The following PTPRD variants were observed in gnomAD, a reference collection of about 807,000 sequenced individuals.
The protein encoded by PTPRD is receptor-type tyrosine-protein phosphatase delta.
Under a neutral mutation model 214.5 loss-of-function variants are expected in PTPRD, and 34 were observed. The ratio of observed to expected loss-of-function variants is 0.16; its 90% CI spans 0.12 to 0.21. The LOEUF (loss-of-function observed/expected upper bound fraction) is 0.21, where lower values mean the gene tolerates loss of function less well. Among genes scored for constraint, PTPRD ranks in the 10% least tolerant of loss-of-function variants. PTPRD has a pLI of 1.00. For synonymous variants in PTPRD, 1,128 were observed against 845.7 expected (o/e 1.33, Z -5.79); for missense variants, 2,545 against 2,398.7 (o/e 1.06, Z -1.27).
At chr9:10,581,771 G>T (rs1375064897) in intron 2 of PTPRD, among the ~76,000 whole-genome samples, 1 of 151,966 alleles carries the variant, frequency 6.6e-6, no homozygotes. Context: ...GAATATAAGG[G>T]TATTAAATAG....
chr9:9,250,912 A>T (rs1308153538), intron 9 of PTPRD, among the ~76,000 whole-genome samples: 1 of 152,116 alleles, frequency 6.6e-6, no homozygotes, highest in Non-Finnish European at 1.5e-5. Context: ...TGGATCACAC[A>T]TAGATGCAAA....
At position 10,601,704 on chromosome 9, in the gene PTPRD, T is replaced by C. The variant is rs566667243; in HGVS notation, c.-600+10694A>G. 2.6e-5 allele frequency among the ~76,000 whole-genome samples: 4 copies of C among 151,864 alleles called. No individual in the cohort carries two copies. In the East Asian group the frequency reaches 7.8e-4, roughly 30 times the overall value. On this transcript the variant is annotated intron_variant, in intron 2 of 45. Coordinates refer to ENST00000381196, the MANE Select transcript of PTPRD (RefSeq NM_002839.4). Reference sequence around the variant, plus strand: ...TATTTGAGGACTTCTTTGTGTTGCTTTTTTAACCACTGCTCCTTCTCCAAG... The same window carrying C: ...TATTTGAGGACTTCTTTGTGTTGCTCTTTTAACCACTGCTCCTTCTCCAAG...
chr9:10,032,547 C>T (rs2097102244), intron 4 of PTPRD, among the ~76,000 whole-genome samples: 1 of 152,150 alleles, frequency 6.6e-6, no homozygotes, highest in African/African-American at 2.4e-5. Context: ...TCTCCTCAAA[C>T]TCCTGATATA....
At chr9:9,902,824 C>G (rs529537326) in intron 5 of PTPRD, among the ~76,000 whole-genome samples, 36 of 152,180 alleles carry the variant, frequency 2.4e-4, no homozygotes, top group African/African-American at 8.4e-4. Context: ...TCCAAGCACA[C>G]TGTAGTATGA....
intron 11 of PTPRD, among the ~76,000 whole-genome samples, chr9:9,011,552 G>A (rs1589759447): frequency 1.3e-5 from 2 of 152,054 alleles, no homozygotes; most frequent in East Asian, 3.9e-4. Flanking sequence ...AAAGAAAGAG[G>A]GTCACATGCT....
At chr9:8,985,880 A>G (rs2099341879) in intron 11 of PTPRD, among the ~76,000 whole-genome samples, 2 of 152,124 alleles carry the variant, frequency 1.3e-5, no homozygotes. Flanking sequence ...AACTCTCATG[A>G]AAATATCCAC....
intron 30 of PTPRD, among the ~76,000 whole-genome samples, chr9:8,479,809 T>G (rs2135501826): frequency 6.6e-6 from 1 of 152,344 alleles, no homozygotes; most frequent in Admixed American, 6.5e-5. Context: ...CAACTGCTCT[T>G]TTCCTGAAGA....
chr9:9,846,220 T>C (rs1364955941), intron 5 of PTPRD, among the ~76,000 whole-genome samples: 1 of 152,132 alleles, frequency 6.6e-6, no homozygotes, highest in East Asian at 1.9e-4. Context: ...AGATTGTAGA[T>C]CTTTACACCT....
chr9:9,180,823 G>C (rs1469567320), intron 10 of PTPRD, among the ~76,000 whole-genome samples: 1 of 152,048 alleles, frequency 6.6e-6, no homozygotes, highest in Admixed American at 6.6e-5. Flanking sequence ...CTTCACCCAA[G>C]TGTCTGACAA....
intron 3 of PTPRD, among the ~76,000 whole-genome samples, chr9:10,220,802 C>A (rs2099568475): frequency 6.6e-6 from 1 of 151,362 alleles, no homozygotes; most frequent in South Asian, 2.1e-4. Flanking sequence ...ATGAGTTTTC[C>A]TTTTGCTAAA....
chr9:8,666,016 G>A (rs1565119237), intron 12 of PTPRD, among the ~76,000 whole-genome samples: 1 of 150,158 alleles, frequency 6.7e-6, no homozygotes. Flanking sequence ...AATTATTACT[G>A]CACATTTAGG....
chr9:9,162,634 G>A (rs543525990), intron 10 of PTPRD, among the ~76,000 whole-genome samples: 1 of 152,086 alleles, frequency 6.6e-6, no homozygotes, highest in East Asian at 1.9e-4. Flanking sequence ...ACTTCTGGAG[G>A]AATCTCATTA....
chr9:10,098,260 G>A (rs923105685), intron 3 of PTPRD, among the ~76,000 whole-genome samples: 158 of 150,012 alleles, frequency 1.1e-3, no homozygotes, highest in African/African-American at 3.2e-3. Flanking sequence ...ACCAAACACC[G>A]CGTGTTCTCA....
chr9:9,058,297 A>G (rs1192245576), intron 10 of PTPRD, among the ~76,000 whole-genome samples: 1 of 152,080 alleles, frequency 6.6e-6, no homozygotes, highest in Non-Finnish European at 1.5e-5. Context: ...CAACCCATGA[A>G]GCATAAAAGG....
At chr9:8,353,433 A>G (rs34373122) in intron 39 of PTPRD, among the ~76,000 whole-genome samples, 1 of 46,556 alleles carries the variant, frequency 2.1e-5, no homozygotes, top group Non-Finnish European at 1.1e-4. Flanking sequence ...TGTATGAATG[A>G]ATGAATGAAT....
intron 8 of PTPRD, among the ~76,000 whole-genome samples, chr9:9,523,230 G>A (rs2097032792): frequency 6.6e-6 from 1 of 151,902 alleles, no homozygotes; most frequent in South Asian, 2.1e-4. Context: ...GGTACTTTAG[G>A]CAAAGATTAT....
intron 12 of PTPRD, among the ~76,000 whole-genome samples, chr9:8,698,783 C>T (rs967198264): frequency 2.6e-5 from 4 of 152,122 alleles, no homozygotes; most frequent in Non-Finnish European, 5.9e-5. Flanking sequence ...TGTTACCAAT[C>T]TGTTTGGTTG....
At chr9:9,365,921 C>A (rs73393076) in intron 9 of PTPRD, among the ~76,000 whole-genome samples, 1,550 of 151,490 alleles carry the variant, frequency 0.01, 26 homozygotes, top group African/African-American at 0.035. Context: ...GGTAACTGAA[C>A]ATAGTTACAA....
chr9:8,510,032 C>G (rs1173813640), intron 21 of PTPRD, among the ~76,000 whole-genome samples: 1 of 152,022 alleles, frequency 6.6e-6, no homozygotes, highest in East Asian at 1.9e-4. Flanking sequence ...ATCTGTAACC[C>G]CAGCACTTTG....
Sources: allele counts gnomAD v4.1 joint callset (sites outside exome capture counted in the v4.1 genomes callset), GRCh38; gene constraint gnomAD v4.1.1; transcripts MANE v1.5; gene names NCBI Gene and HGNC (gene_info 2026-07-23, HGNC 2026-07-21).